Variants in PRKCB observed in about 807,000 individuals in gnomAD.
PRKCB encodes protein kinase C beta type.
A neutral mutation model predicts 81.5 loss-of-function variants in PRKCB; 13 were observed. The ratio of observed to expected loss-of-function variants is 0.16; its 90% CI spans 0.10 to 0.25. The LOEUF (loss-of-function observed/expected upper bound fraction) is 0.25. Among genes scored for constraint, PRKCB ranks in the 10% least tolerant of loss-of-function variants. PRKCB has a pLI of 1.00. For synonymous variants in PRKCB, 335 were observed against 321.4 expected, an observed-to-expected ratio of 1.04 and a Z score of -0.45; for missense variants, 509 against 875.7, an observed-to-expected ratio of 0.58 and a Z score of 5.29.
At chr16:24,210,529 C>T (rs1287218222) in intron 16 of PRKCB, among the ~76,000 whole-genome samples, 3 of 150,510 alleles carry the variant, frequency 2.0e-5, no homozygotes, top group Non-Finnish European at 4.4e-5. Flanking sequence ...GACAGAGTCT[C>T]ATTCTGTCGC....
chr16:24,147,084 G>A (rs535361008), intron 9 of PRKCB, among the ~76,000 whole-genome samples: 11 of 152,076 alleles, frequency 7.2e-5, no homozygotes, highest in East Asian at 3.9e-4. Flanking sequence ...TGAGGCGGGC[G>A]GATCACGAGG....
In PRKCB at chr16:23,908,078, G is replaced by A. The variant is rs117932451; in HGVS notation, c.205+70672G>A. Among the ~76,000 whole-genome samples, 648 of 152,270 alleles carry A rather than the reference G, an allele frequency of 4.3e-3. 2 individuals are homozygous for A. Among genetic ancestry groups the A allele is most frequent in the Non-Finnish European group, 6.8e-3 (462 of 68,024 alleles). ...GAAAGTCCATCTAGACGAGGGAGGT[G>A]TGGGAGTGAGATGGAAGAGGAGAGG... On this transcript the variant is annotated intron_variant, in intron 2 of 16. Coordinates refer to ENST00000643927, the MANE Select transcript of PRKCB (RefSeq NM_002738.7).
intron 2 of PRKCB, among the ~76,000 whole-genome samples, chr16:23,971,354 C>T (rs545064910): frequency 5.9e-5 from 9 of 152,152 alleles, no homozygotes; most frequent in Non-Finnish European, 1.2e-4. Context: ...GTGTTTCCTA[C>T]GTGCTCCTTC....
At chr16:24,091,624 T>A (rs905856483) in intron 5 of PRKCB, among the ~76,000 whole-genome samples, 1 of 152,182 alleles carries the variant, frequency 6.6e-6, no homozygotes, top group Non-Finnish European at 1.5e-5. Flanking sequence ...GTTCATCTTT[T>A]TTTTTTGACG....
At chr16:23,979,254 T>C (rs1323774796) in intron 2 of PRKCB, among the ~76,000 whole-genome samples, 1 of 152,216 alleles carries the variant, frequency 6.6e-6, no homozygotes, top group East Asian at 1.9e-4. Flanking sequence ...TGGCACACGG[T>C]GTAGAATCCA....
At chr16:23,852,917 T>C (rs1962498570) in intron 2 of PRKCB, among the ~76,000 whole-genome samples, 1 of 152,196 alleles carries the variant, frequency 6.6e-6, no homozygotes, top group South Asian at 2.1e-4. Context: ...GCCTGAGAAA[T>C]GTTAGCTGGG....
At chr16:24,032,365 G>C in intron 4 of PRKCB, 118 bp downstream of exon 4, 1 of 612,532 alleles carries the variant, frequency 1.6e-6, no homozygotes, top group Non-Finnish European at 2.8e-6. Context: ...CGTTGGGGCT[G>C]GTGTACCAGT....
At chr16:23,974,223 G>A (rs1459271938) in intron 2 of PRKCB, among the ~76,000 whole-genome samples, 1 of 152,108 alleles carries the variant, frequency 6.6e-6, no homozygotes, top group African/African-American at 2.4e-5. Context: ...GCAGAAGAAT[G>A]AGAACTTGGC....
At chr16:24,147,201 G>A (rs1392778975) in intron 9 of PRKCB, among the ~76,000 whole-genome samples, 1 of 151,838 alleles carries the variant, frequency 6.6e-6, no homozygotes, top group Non-Finnish European at 1.5e-5. Context: ...CCAGCTACTC[G>A]GGAGGCTGAG....
intron 3 of PRKCB, among the ~76,000 whole-genome samples, chr16:24,025,501 G>T (rs1298688993): frequency 6.6e-6 from 1 of 152,222 alleles, no homozygotes; most frequent in Non-Finnish European, 1.5e-5. Flanking sequence ...TCTTCTGTAT[G>T]CCAAGTACAG....
At chr16:24,062,381 T>A (rs562755207) in intron 5 of PRKCB, among the ~76,000 whole-genome samples, 1 of 152,340 alleles carries the variant, frequency 6.6e-6, no homozygotes, top group Admixed American at 6.5e-5. Flanking sequence ...TGAGGGCATT[T>A]CAATCCAAGC....
At chr16:23,965,657 T>A (rs1430619347) in intron 2 of PRKCB, among the ~76,000 whole-genome samples, 1 of 152,214 alleles carries the variant, frequency 6.6e-6, no homozygotes, top group African/African-American at 2.4e-5. Flanking sequence ...AAATGCAACA[T>A]CGCTGTGAAA....
intron 3 of PRKCB, among the ~76,000 whole-genome samples, chr16:24,023,593 C>T (rs3927864): frequency 0.58 from 87,690 of 151,648 alleles, 25,762 homozygotes; most frequent in South Asian, 0.78. Flanking sequence ...TGGTCTTGAT[C>T]TCCTGACCTC....
chr16:24,021,582 C>A (rs1163949617), intron 3 of PRKCB, among the ~76,000 whole-genome samples: 1 of 151,772 alleles, frequency 6.6e-6, no homozygotes, highest in Non-Finnish European at 1.5e-5. Context: ...TGTCTATAAC[C>A]CCCGTGTTAG....
At chr16:24,114,091 C>A (rs751379026) in intron 8 of PRKCB, among the ~76,000 whole-genome samples, 1 of 150,816 alleles carries the variant, frequency 6.6e-6, no homozygotes. Flanking sequence ...TGGTGGTGCA[C>A]GCCTGTAATA....
At chr16:23,944,336 C>G (rs1964177257) in intron 2 of PRKCB, among the ~76,000 whole-genome samples, 1 of 152,148 alleles carries the variant, frequency 6.6e-6, no homozygotes. Context: ...AATTATCCTT[C>G]TGTAGGTTGT....
chr16:24,054,567 TG>T (rs1191619083), intron 5 of PRKCB, among the ~76,000 whole-genome samples: 21 of 152,232 alleles, frequency 1.4e-4, no homozygotes, highest in Non-Finnish European at 4.4e-5. Flanking sequence ...TTAGGGATAC[TG>T]GGGAAACCTG....
intron 2 of PRKCB, among the ~76,000 whole-genome samples, chr16:23,958,385 A>G (rs1964378384): frequency 6.6e-6 from 1 of 151,326 alleles, no homozygotes; most frequent in Non-Finnish European, 1.5e-5. Context: ...GCTCACTGCA[A>G]TGTCTGCCTC....
chr16:24,202,351 A>G (rs116410647), intron 16 of PRKCB, among the ~76,000 whole-genome samples: 212 of 152,242 alleles, frequency 1.4e-3, no homozygotes, highest in African/African-American at 4.9e-3. Context: ...GTTTGGTGCA[A>G]TCTGGCTTCT....
Sources: allele counts gnomAD v4.1 joint callset (sites outside exome capture counted in the v4.1 genomes callset), GRCh38; gene constraint gnomAD v4.1.1; transcripts MANE v1.5; gene names NCBI Gene and HGNC (gene_info 2026-07-23, HGNC 2026-07-21).